DDR2: variants seen among roughly 807,000 people sequenced by gnomAD.
DDR2 encodes the protein discoidin domain receptor tyrosine kinase 2, also known as discoidin domain-containing receptor 2.
DDR2 carries 27 observed loss-of-function variants against 94.9 expected under a neutral mutation model. The observed-to-expected ratio is 0.28, with a 90% CI of 0.21 to 0.39. DDR2 has a LOEUF of 0.39. Among genes scored for constraint, DDR2 ranks in the 10% least tolerant of loss-of-function variants. The probability of loss-of-function intolerance (pLI) is 1.00; values close to 1 mark genes in which losing one functional copy is unlikely to be tolerated. For synonymous variants in DDR2, 382 were observed against 377.2 expected, an observed-to-expected ratio of 1.01 and a Z score of -0.15; for missense variants, 783 against 1,076.0, an observed-to-expected ratio of 0.73 and a Z score of 3.81.
chr1:162,744,878 T>A (rs1243810930), intron 3 of DDR2, among the ~76,000 whole-genome samples: 1 of 152,246 alleles, frequency 6.6e-6, no homozygotes, highest in Admixed American at 6.5e-5. Flanking sequence ...GAAGTGGGAC[T>A]GCTGGAGCAT....
intron 11 of DDR2, among the ~76,000 whole-genome samples, chr1:162,769,136 G>C (rs967842104): frequency 6.6e-6 from 1 of 152,194 alleles, no homozygotes; most frequent in African/African-American, 2.4e-5. Context: ...TCTGAGGCCT[G>C]TTGGAATATC....
At chr1:162,731,055 G>A (rs1002394579) in intron 3 of DDR2, among the ~76,000 whole-genome samples, 1 of 152,078 alleles carries the variant, frequency 6.6e-6, no homozygotes, top group East Asian at 1.9e-4. Flanking sequence ...CATTCTCATT[G>A]CCTCAGAAAC....
At chr1:162,741,263 GTAATATAATATAATA>G (rs71581465) in intron 3 of DDR2, among the ~76,000 whole-genome samples, 1,741 of 124,798 alleles carry the variant, frequency 0.014, 25 homozygotes, top group South Asian at 0.018. Flanking sequence ...GTAATGTAAT[GTAATATAATATAATA>G]TAATATAATA....
chr1:162,749,228 GA>G (rs1571285013), intron 3 of DDR2, among the ~76,000 whole-genome samples: 1 of 152,032 alleles, frequency 6.6e-6, no homozygotes, highest in African/African-American at 2.4e-5. Flanking sequence ...CTGGTTTTTT[GA>G]AAAGATCAAC....
chr1:162,686,252 A>T (rs1373823246), intron 2 of DDR2, among the ~76,000 whole-genome samples: 2 of 151,944 alleles, frequency 1.3e-5, no homozygotes, highest in Non-Finnish European at 2.9e-5. Flanking sequence ...CAGAACGTGC[A>T]GGTTTGTTGC....
chr1:162,659,618 A>T (rs898466545), intron 2 of DDR2, among the ~76,000 whole-genome samples: 1 of 152,156 alleles, frequency 6.6e-6, no homozygotes, highest in Non-Finnish European at 1.5e-5. Flanking sequence ...CATTTTAGGG[A>T]TTCAGCACGT....
At chr1:162,680,951 T>G (rs1657598915) in intron 2 of DDR2, among the ~76,000 whole-genome samples, 1 of 152,196 alleles carries the variant, frequency 6.6e-6, no homozygotes, top group Non-Finnish European at 1.5e-5. Context: ...GCTTCTTTTC[T>G]GGGAGGAGTG....
At chr1:162,769,320 A>G (rs561880930) in intron 11 of DDR2, among the ~76,000 whole-genome samples, 1 of 152,232 alleles carries the variant, frequency 6.6e-6, no homozygotes, top group Non-Finnish European at 1.5e-5. Flanking sequence ...ACAAAATTTT[A>G]TGTGGAAAAT....
At chr1:162,684,705 TCAAAC>T (rs1659583644) in intron 2 of DDR2, among the ~76,000 whole-genome samples, 1 of 151,924 alleles carries the variant, frequency 6.6e-6, no homozygotes, top group Admixed American at 6.6e-5. Context: ...TTAAAATGAT[TCAAAC>T]CAACCACCCA....
At chr1:162,707,943 A>G (rs1660732709) in intron 2 of DDR2, among the ~76,000 whole-genome samples, 1 of 152,174 alleles carries the variant, frequency 6.6e-6, no homozygotes, top group African/African-American at 2.4e-5. Flanking sequence ...CCCTAAACCC[A>G]CAGACTAGTT....
intron 3 of DDR2, among the ~76,000 whole-genome samples, chr1:162,720,973 C>G (rs539826105): frequency 4.2e-4 from 64 of 152,110 alleles, no homozygotes; most frequent in Admixed American, 2.4e-3. Context: ...CTGAAGGAGC[C>G]CAGTGCCTTG....
rs771800247 is a variant in DDR2, at chr1:162,770,497, G to C, written c.1489G>C (p.Gly497Arg). Reference protein sequence around the residue: ...LIRKLPEFAPGEEESGCSGVV... With the variant: ...LIRKLPEFAPREEESGCSGVV... ...ACGAAAACTCCCAGAATTTGCTCCA[G>C]GGGAGGAGGAGTCAGGTGAGGATGA... Residue 497 changes from glycine to arginine, a missense_variant, in exon 12 of 18, where the codon GGG (glycine) becomes CGG (arginine). Around this residue, in one of 2 missense-constraint regions of DDR2, gnomAD observed 519 missense variants for 647.9 expected, o/e 0.80. Transcript: ENST00000367921. The C allele has an allele frequency of 6.2e-7, 1 of 1,613,994 alleles. No individual in the cohort carries two copies. The highest frequency in any genetic ancestry group is 8.5e-7 in the Non-Finnish European group (1 of 1,180,036).
intron 1 of DDR2, among the ~76,000 whole-genome samples, chr1:162,645,861 T>A (rs1657382368): frequency 6.6e-6 from 1 of 152,200 alleles, no homozygotes; most frequent in African/African-American, 2.4e-5. Context: ...TAAATGGATA[T>A]CTAATCCATT....
chr1:162,710,398 A>C (rs1660844989), intron 2 of DDR2, among the ~76,000 whole-genome samples: 1 of 152,108 alleles, frequency 6.6e-6, no homozygotes. Context: ...CGAGGTTGGG[A>C]CTCCCAGAGG....
chr1:162,674,889 C>T (rs1423403290), intron 2 of DDR2, among the ~76,000 whole-genome samples: 1 of 152,062 alleles, frequency 6.6e-6, no homozygotes, highest in Non-Finnish European at 1.5e-5. Flanking sequence ...CATGGTGGCT[C>T]ATGCCTGTAA....
chr1:162,696,947 C>T (rs549153994), intron 2 of DDR2, among the ~76,000 whole-genome samples: 18 of 152,212 alleles, frequency 1.2e-4, no homozygotes, highest in African/African-American at 4.3e-4. Flanking sequence ...GTCCACTTCT[C>T]TGCTGAGATT....
At chr1:162,691,559 G>T (rs796085093) in intron 2 of DDR2, among the ~76,000 whole-genome samples, 2 of 152,346 alleles carry the variant, frequency 1.3e-5, no homozygotes, top group African/African-American at 4.8e-5. Flanking sequence ...TGTGCTTGGT[G>T]ACAGCAATAT....
intron 1 of DDR2, among the ~76,000 whole-genome samples, chr1:162,632,959 C>T (rs1175001328): frequency 3.3e-5 from 5 of 152,180 alleles, no homozygotes; most frequent in East Asian, 1.9e-4. Context: ...CAAGACAGGC[C>T]GATTGCAGAG....
intron 1 of DDR2, among the ~76,000 whole-genome samples, chr1:162,652,694 C>T (rs1657764121): frequency 6.6e-6 from 1 of 152,214 alleles, no homozygotes; most frequent in Admixed American, 6.5e-5. Flanking sequence ...TATGCATCCT[C>T]ATAACTTTAT....
Sources: gnomAD v4.1 joint callset for allele counts (sites outside exome capture counted in the v4.1 genomes callset) on GRCh38, gnomAD v4.1.1 for gene constraint, gnomAD v4.1.1 regional missense constraint, MANE v1.5 for transcripts, NCBI Gene and HGNC (gene_info 2026-07-23, HGNC 2026-07-21) for gene names.